The following WDR24 variants were observed in gnomAD, a reference collection of about 807,000 sequenced individuals.
WDR24 encodes the protein GATOR2 complex protein WDR24.
Under a neutral mutation model 66.7 loss-of-function variants are expected in WDR24, and 32 were observed. The observed-to-expected ratio is 0.48, with a 90% CI of 0.36 to 0.64. WDR24 has a LOEUF of 0.64. WDR24 is among the 30% of genes least tolerant of loss of function. The pLI, the probability that WDR24 is intolerant of heterozygous loss-of-function variation, is 0.00. For synonymous variants in WDR24, 565 were observed against 469.1 expected, an observed-to-expected ratio of 1.20 and a Z score of -2.64; for missense variants, 978 against 1,144.1, an observed-to-expected ratio of 0.85 and a Z score of 2.09.
In WDR24 at chr16:685,352, G is replaced by GC; in HGVS notation, c.1923dup (p.His642AlafsTer5). 6.2e-7 allele frequency: 1 copy of GC among 1,611,302 alleles called. No individual in the cohort carries two copies. Among genetic ancestry groups the GC allele is most frequent in the East Asian group, 2.2e-5 (1 of 44,874 alleles). The stretch of plus-strand genomic sequence containing the variant: ...ACGTCGCCCTGCTCAGCGTAGAAGT[G>GC]CAGCATGTCGCGCACCAGCACGCCG... On this transcript the variant is annotated frameshift_variant, in exon 7 of 9. Coordinates refer to ENST00000293883, the MANE Select transcript of WDR24 (RefSeq NM_032259.4). LOFTEE classifies it high-confidence loss of function.
chr16:686,770 C>T lies in WDR24; in HGVS notation c.1306G>A (p.Val436Met). 1.2e-6 allele frequency: 2 copies of T among 1,605,856 alleles called. No individual in the cohort carries two copies. Among genetic ancestry groups the T allele is most frequent in the Non-Finnish European group, 1.7e-6 (2 of 1,174,572 alleles). ...LAELCDHNAK[V>M]ARELGRNQVA... ...TGGTTGCGGCCAAGCTCTCGAGCCA[C>T]CTTTGCGTTGTGGTCACAGAGCTCG... The change falls in exon 3 of 9, where the codon GTG becomes ATG. Residue 436 changes from valine (V) to methionine (M), a missense_variant. By Grantham distance (21) the Val-to-Met change is conservative (BLOSUM62 1). This residue lies in a region of WDR24 where 676 missense variants were observed against 617.5 expected (regional missense o/e 1.09). Coordinates refer to ENST00000293883, the MANE Select transcript of WDR24 (RefSeq NM_032259.4).
intron 3 of WDR24, 48 bp downstream of exon 3, chr16:686,696 T>C: frequency 6.5e-7 from 1 of 1,538,630 alleles, no homozygotes; most frequent in Non-Finnish European, 8.8e-7. Context: ...AACCAGCCCC[T>C]GCCCTGAGGT....
chr16:686,382 G>A (rs537924389), intron 3 of WDR24, among the ~76,000 whole-genome samples, 196 bp from the exon 4 acceptor site: 8 of 152,338 alleles, frequency 5.3e-5, no homozygotes, highest in African/African-American at 1.2e-4. Flanking sequence ...GCAGCACAGA[G>A]GAAAACAGAA....
Position 685,966 on chromosome 16 carries a change from T to TG in WDR24, c.1475dup (p.Gly493ArgfsTer5). 1 of 1,613,036 alleles carries TG rather than the reference T, an allele frequency of 6.2e-7. No individual in the cohort carries two copies. The highest frequency in any genetic ancestry group is 1.3e-5 in the African/African-American group (1 of 75,032). ...CCAGCCGCGTCTCACTGCCCAACCC[T>TG]GGGGCCATATCCTTCAGGTTGAAAC... On this transcript the variant is annotated frameshift_variant, in exon 5 of 9. Coordinates refer to ENST00000293883, the MANE Select transcript of WDR24 (RefSeq NM_032259.4). LOFTEE classifies it high-confidence loss of function.
chr16:685,850 C>G lies in WDR24; in HGVS notation c.1573+19G>C. On this transcript the variant is annotated intron_variant, in intron 5 of 8. Coordinates refer to ENST00000293883, the MANE Select transcript of WDR24 (RefSeq NM_032259.4). ...CCCCCACCCCTCTCCCATCAGCACC[C>G]CTACCCACCCCAGCCTACCCTCATT... 1 of 1,613,174 alleles carries G rather than the reference C, an allele frequency of 6.2e-7. No homozygotes were observed. Among genetic ancestry groups the G allele is most frequent in the South Asian group, 1.1e-5 (1 of 91,092 alleles).
Position 690,024 on chromosome 16 carries a change from C to T in WDR24, c.-384G>A. On this transcript the variant is annotated 5_prime_UTR_variant, in exon 1 of 9. Coordinates refer to ENST00000293883, the MANE Select transcript of WDR24 (RefSeq NM_032259.4). ...GTCACTAAACGCTCGGTCAGTCAAT[C>T]CCAGCAGGGGAGCGAGGAGACTCCC... 2.0e-6 allele frequency: 1 copy of T among 489,738 alleles called. No individual in the cohort carries two copies. Among genetic ancestry groups the T allele is most frequent in the Non-Finnish European group, 4.0e-6 (1 of 249,184 alleles). The allele number at this position is 489,738 out of a possible 1,614,324, so 30.3% of individuals were successfully genotyped here.
rs371937210 is a variant in WDR24 at position 684,701 on chromosome 16, G to A, written c.*33C>T. ...CACAAGACCAGGCGGGGTTCTGCAC[G>A]CGGCCGCCCGGGCAAGCCCAGCAGA... On this transcript the variant is annotated 3_prime_UTR_variant, in exon 9 of 9. Transcript: ENST00000293883. 7.8e-6 allele frequency: 12 copies of A among 1,546,680 alleles called. No individual in the cohort carries two copies. The African/African-American group carries it at 1.4e-4, about 18-fold the overall frequency.
Position 687,681 on chromosome 16 carries a change from G to T in WDR24, c.540C>A (p.Ala180=). ...QFSIRDYFTF[A]STFENGNVQL... Reference sequence around the variant, plus strand: ...GCACATTGCCGTTCTCAAAGGTGGAGGCGAAGGTGAAGTAGTCCCGGATAC... The same window carrying T: ...GCACATTGCCGTTCTCAAAGGTGGATGCGAAGGTGAAGTAGTCCCGGATAC... Residue 180 remains alanine (A), a synonymous_variant, in exon 2 of 9, where the codon GCC becomes GCA. Transcript: ENST00000293883. 1 of 1,613,686 alleles carries T rather than the reference G, an allele frequency of 6.2e-7. No homozygotes were observed. The highest frequency in any genetic ancestry group is 8.5e-7 in the Non-Finnish European group (1 of 1,180,024).
At position 689,898 on chromosome 16, in the gene WDR24, C is replaced by T; in HGVS notation, c.-258G>A. The stretch of plus-strand genomic sequence containing the variant: ...GCGGTGAGGGGACTTCCTAGCTTCC[C>T]TTAGGCCTGTCAGTTTCATGTCTGA... On this transcript the variant is annotated 5_prime_UTR_variant, in exon 1 of 9. Transcript: ENST00000293883. 1.4e-6 allele frequency: 1 copy of T among 690,014 alleles called. No individual in the cohort carries two copies. The highest frequency in any genetic ancestry group is 2.6e-6 in the Non-Finnish European group (1 of 380,482). 42.7% of individuals were successfully genotyped at this position (690,014 alleles called of 1,614,324 possible). A position where few individuals can be genotyped will look rare whatever the true frequency, so the allele number is the denominator to read the frequency against.
At position 689,586 on chromosome 16, in the gene WDR24, G is replaced by A. The variant is rs754016147; in HGVS notation, c.55C>T (p.Arg19Cys). The A allele has an allele frequency of 2.5e-5, 41 of 1,612,784 alleles. No individual in the cohort carries two copies. Among genetic ancestry groups the A allele is most frequent in the Middle Eastern group, 1.6e-4 (1 of 6,084 alleles). ...TALGGSVLTG[R>C]TMHCHLDAPA... ...GCATCCAGGTGGCAGTGCATGGTGC[G>A]GCCTGTCAGCACGCTGCCACCCAGG... The change falls in exon 1 of 9, where the codon CGC becomes TGC. Residue 19 changes from arginine to cysteine, a missense_variant. By Grantham distance (180) the Arg-to-Cys change is radical. Transcript: ENST00000293883.
At chr16:686,639 G>A in intron 3 of WDR24, 105 bp downstream of exon 3, 1 of 1,366,836 alleles carries the variant, frequency 7.3e-7, no homozygotes, top group South Asian at 1.4e-5. Flanking sequence ...GCGACTGGCT[G>A]GAGTCCATTG....
At position 689,755 on chromosome 16, in the gene WDR24, T is replaced by C; in HGVS notation, c.-115A>G. On this transcript the variant is annotated 5_prime_UTR_variant, in exon 1 of 9. Coordinates refer to ENST00000293883, the MANE Select transcript of WDR24 (RefSeq NM_032259.4). ...ACCCAGGTTGGGACCCCAGAACTGC[T>C]TGGTCCCGGGCTGGTCAGTCTTAGT... is the stretch of plus-strand genomic sequence containing the variant. 6.8e-7 allele frequency: 1 copy of C among 1,476,170 alleles called. No individual in the cohort carries two copies. Among genetic ancestry groups the C allele is most frequent in the Non-Finnish European group, 9.1e-7 (1 of 1,104,424 alleles). 91.4% of individuals were successfully genotyped at this position (1,476,170 alleles called of 1,614,324 possible).
rs1407077223 is a variant in WDR24, at chr16:690,077, G to T, written c.-437C>A. 1 of 465,470 alleles carries T rather than the reference G, an allele frequency of 2.1e-6. No individual in the cohort carries two copies. The highest frequency in any genetic ancestry group is 2.3e-5 in the Admixed American group (1 of 42,792). 28.8% of individuals were successfully genotyped at this position (465,470 alleles called of 1,614,324 possible). A position where few individuals can be genotyped will look rare whatever the true frequency, so the allele number is the denominator to read the frequency against. ...CGTCCACACTGTCAGCCCTGAGGGC[G>T]GCGGGGCTCTAGGGAGGAACAAAAG... On this transcript the variant is annotated 5_prime_UTR_variant, in exon 1 of 9. Transcript: ENST00000293883.
chr16:686,053 G>GC lies in WDR24; in HGVS notation c.1451+14dup, dbSNP rs1403073829. The GC allele has an allele frequency of 9.3e-6, 15 of 1,612,786 alleles. No individual in the cohort carries two copies. The highest frequency in any genetic ancestry group is 1.3e-5 in the Non-Finnish European group (15 of 1,179,912). ...GCAGCCCCAGCCCCTGGGGAGAGCT[G>GC]CCCCCGGCATCTACCTGTTCATGAG... On this transcript the variant is annotated intron_variant, in intron 4 of 8. Transcript: ENST00000293883.
chr16:685,815 G>A (rs200343197), intron 5 of WDR24, 32 bp from the exon 6 acceptor site: 309 of 1,612,846 alleles, frequency 1.9e-4, no homozygotes, highest in Non-Finnish European at 2.4e-4. Context: ...ATTCAGGGTC[G>A]TCTGGGACAC....
Position 684,630 on chromosome 16 carries a change from A to C in WDR24, c.*104T>G. ...GACACGCAGTGCCGACAGCGGCTCTACTTCCTTTATTGAGGTCTCAAGTTC... is the reference window on the plus strand; with the variant it reads ...GACACGCAGTGCCGACAGCGGCTCTCCTTCCTTTATTGAGGTCTCAAGTTC... On this transcript the variant is annotated 3_prime_UTR_variant, in exon 9 of 9. Coordinates refer to ENST00000293883, the MANE Select transcript of WDR24 (RefSeq NM_032259.4). 1 of 1,445,630 alleles carries C rather than the reference A, an allele frequency of 6.9e-7. No individual in the cohort carries two copies. Among genetic ancestry groups the C allele is most frequent in the South Asian group, 1.4e-5 (1 of 69,888 alleles). 89.6% of individuals were successfully genotyped at this position (1,445,630 alleles called of 1,614,324 possible).
At chr16:688,153 C>G (rs1424325527) in intron 1 of WDR24, 1 of 446,654 alleles carries the variant, frequency 2.2e-6, no homozygotes, top group African/African-American at 2.0e-5. Context: ...AGTCCCTTCA[C>G]CTGGAGCTGG....
chr16:687,943 G>C, intron 1 of WDR24: 1 of 717,900 alleles, frequency 1.4e-6, no homozygotes, highest in Non-Finnish European at 2.5e-6. Flanking sequence ...AGGACACCAC[G>C]TGATTTGTAA....
At position 684,745 on chromosome 16, in the gene WDR24, C is replaced by T. The variant is rs1342324158; in HGVS notation, c.2362G>A (p.Glu788Lys). ...HCPAGCGHLC[E>K]YS ...CAGCAGATGCCCCGTCAGGAGTACTCGCAGAGGTGGCCGCAGCCTGCGGGA... is the reference window on the plus strand; with the variant it reads ...CAGCAGATGCCCCGTCAGGAGTACTTGCAGAGGTGGCCGCAGCCTGCGGGA... The change falls in exon 9 of 9, where the codon GAG becomes AAG. Residue 788 changes from glutamate to lysine, a missense_variant. This residue lies in a region of WDR24 where 676 missense variants were observed against 617.5 expected (regional missense o/e 1.09). Transcript: ENST00000293883. The T allele has an allele frequency of 6.3e-7, 1 of 1,597,840 alleles. No homozygotes were observed. The highest frequency in any genetic ancestry group is 1.3e-5 in the African/African-American group (1 of 74,704).
Sources: gnomAD v4.1 joint callset for allele counts (sites outside exome capture counted in the v4.1 genomes callset) on GRCh38, gnomAD v4.1.1 for gene constraint, gnomAD v4.1.1 regional missense constraint, MANE v1.5 for transcripts, NCBI Gene and HGNC (gene_info 2026-07-23, HGNC 2026-07-21) for gene names.